Variants in AMPH observed in about 807,000 individuals in gnomAD.
AMPH encodes the protein amphiphysin.
In AMPH, 49 loss-of-function variants were observed where a neutral mutation model predicts 99.1. The ratio of observed to expected loss-of-function variants is 0.49; its 90% confidence interval spans 0.39 to 0.63. AMPH has a LOEUF of 0.63. Ranked by LOEUF, AMPH falls within the 20% of genes least tolerant of loss-of-function variation. The pLI, the probability that AMPH is intolerant of heterozygous loss-of-function variation, is 0.00. For synonymous variants in AMPH, 314 were observed against 317.3 expected, an observed-to-expected ratio of 0.99 and a Z score of 0.11; for missense variants, 759 against 863.4, an observed-to-expected ratio of 0.88 and a Z score of 1.52.
At chr7:38,602,199 T>C (rs1228266893) in intron 1 of AMPH, among the ~76,000 whole-genome samples, 1 of 152,140 alleles carries the variant, frequency 6.6e-6, no homozygotes. Context: ...TGTCCCAAGG[T>C]CCACAGAGGC....
At chr7:38,589,264 T>C (rs1365955441) in intron 1 of AMPH, among the ~76,000 whole-genome samples, 3 of 152,186 alleles carry the variant, frequency 2.0e-5, no homozygotes, top group Non-Finnish European at 1.5e-5. Context: ...ATGAATATGG[T>C]CAACACTCAA....
At chr7:38,552,370 T>A (rs1344148589) in intron 1 of AMPH, among the ~76,000 whole-genome samples, 1 of 152,216 alleles carries the variant, frequency 6.6e-6, no homozygotes, top group African/African-American at 2.4e-5. Context: ...GCACCAGAAC[T>A]GCTCTCATTT....
At chr7:38,599,532 G>A (rs1415642156) in intron 1 of AMPH, among the ~76,000 whole-genome samples, 1 of 152,072 alleles carries the variant, frequency 6.6e-6, no homozygotes, top group South Asian at 2.1e-4. Flanking sequence ...TTGTACTATC[G>A]TTAAGGTTTC....
At chr7:38,538,398 A>G (rs1790690406) in intron 1 of AMPH, among the ~76,000 whole-genome samples, 1 of 152,242 alleles carries the variant, frequency 6.6e-6, no homozygotes, top group African/African-American at 2.4e-5. Context: ...AGGGACTGTG[A>G]TCTTTCAATA....
chr7:38,472,814 C>G (rs771905072), intron 7 of AMPH, among the ~76,000 whole-genome samples: 16 of 152,100 alleles, frequency 1.1e-4, no homozygotes, highest in Non-Finnish European at 2.2e-4. Flanking sequence ...CTGCGTATGA[C>G]CAGAAAAGGG....
chr7:38,587,622 G>T lies in AMPH; in HGVS notation c.69+43661C>A, dbSNP rs577825974. The stretch of plus-strand genomic sequence containing the variant: ...AGTCCTCTGAACTTAATTCTTTGAA[G>T]AAAATATTTAATTAGCAAATGTCTT... On this transcript the variant is annotated intron_variant, in intron 1 of 20. Transcript: ENST00000356264. Among the ~76,000 whole-genome samples the T allele has an allele frequency of 5.3e-5, 8 of 152,260 alleles. No homozygotes were observed. In the South Asian group the frequency reaches 1.7e-3, roughly 32 times the overall value.
chr7:38,571,281 T>TATATATATAA (rs1562835247), intron 1 of AMPH, among the ~76,000 whole-genome samples: 2 of 44,080 alleles, frequency 4.5e-5, no homozygotes, highest in Non-Finnish European at 8.1e-5. Context: ...ATATATATTT[T>TATATATATAA]TATATATATT....
intron 1 of AMPH, among the ~76,000 whole-genome samples, chr7:38,590,533 C>T (rs919497228): frequency 2.6e-5 from 4 of 152,174 alleles, no homozygotes; most frequent in African/African-American, 4.8e-5. Flanking sequence ...TGCCCACTCC[C>T]GGCTCGAATG....
chr7:38,413,371 G>GA (rs34008192), intron 17 of AMPH, among the ~76,000 whole-genome samples: 4 of 151,174 alleles, frequency 2.6e-5, no homozygotes, highest in African/African-American at 7.3e-5. Context: ...GTATCTGAAT[G>GA]AAAAAAAAAA....
chr7:38,410,552 T>C (rs1033249506), intron 17 of AMPH, among the ~76,000 whole-genome samples: 2 of 152,204 alleles, frequency 1.3e-5, no homozygotes, highest in African/African-American at 2.4e-5. Context: ...AAAAAAGCCA[T>C]AAACACAGGG....
intron 1 of AMPH, among the ~76,000 whole-genome samples, chr7:38,625,765 G>C (rs1181007603): frequency 6.6e-6 from 1 of 151,992 alleles, no homozygotes; most frequent in Non-Finnish European, 1.5e-5. Flanking sequence ...AACATAAAAA[G>C]ACAAAGAACA....
At chr7:38,437,639 A>AAAGAAAAG (rs1554336209) in intron 11 of AMPH, among the ~76,000 whole-genome samples, 1 of 96,728 alleles carries the variant, frequency 1.0e-5, no homozygotes, top group Non-Finnish European at 1.9e-5. Flanking sequence ...AAAAAAAAAA[A>AAAGAAAAG]AAAAGAAAAG....
rs564864377 is a variant in AMPH at position 38,519,007 on chromosome 7, G to A, written c.151-15303C>T. 7.2e-5 allele frequency among the ~76,000 whole-genome samples: 11 copies of A among 152,322 alleles called. No individual in the cohort carries two copies. The South Asian group carries it at 1.9e-3, about 26-fold the overall frequency. On this transcript the variant is annotated intron_variant, in intron 2 of 20. Coordinates refer to ENST00000356264, the MANE Select transcript of AMPH (RefSeq NM_001635.4). ...TAAATGGATTAATGCCATTATCATG[G>A]CAGCGAGCTAGTTATCATGGGAGTG...
At chr7:38,448,563 T>C (rs532300467) in intron 11 of AMPH, among the ~76,000 whole-genome samples, 1 of 152,324 alleles carries the variant, frequency 6.6e-6, no homozygotes, top group East Asian at 1.9e-4. Flanking sequence ...AAGGTGAATG[T>C]AGTGTGAATG....
intron 2 of AMPH, among the ~76,000 whole-genome samples, chr7:38,505,181 A>G (rs763119235): frequency 6.6e-6 from 1 of 152,252 alleles, no homozygotes; most frequent in Non-Finnish European, 1.5e-5. Flanking sequence ...AAAGATAATG[A>G]TTAATACAAA....
At chr7:38,397,906 T>C (rs1387027279) in intron 17 of AMPH, among the ~76,000 whole-genome samples, 1 of 151,900 alleles carries the variant, frequency 6.6e-6, no homozygotes, top group African/African-American at 2.4e-5. Flanking sequence ...TGTGAAAAGG[T>C]GCTCAACCTC....
intron 1 of AMPH, among the ~76,000 whole-genome samples, chr7:38,606,479 C>T (rs1312543453): frequency 6.6e-6 from 1 of 151,674 alleles, no homozygotes; most frequent in Admixed American, 6.6e-5. Context: ...ATCTACAATA[C>T]ATTATGTGGC....
At chr7:38,508,487 C>T (rs754904366) in intron 2 of AMPH, among the ~76,000 whole-genome samples, 20 of 152,170 alleles carry the variant, frequency 1.3e-4, no homozygotes, top group Non-Finnish European at 2.1e-4. Flanking sequence ...ATATCACACA[C>T]GGTATGGAAA....
At chr7:38,528,906 C>T (rs570960193) in intron 2 of AMPH, among the ~76,000 whole-genome samples, 51 of 152,212 alleles carry the variant, frequency 3.4e-4, no homozygotes, top group African/African-American at 1.1e-3. Flanking sequence ...GGACAAGACA[C>T]TTTCATTTCC....
Sources: gnomAD v4.1 joint callset for allele counts (sites outside exome capture counted in the v4.1 genomes callset) on GRCh38, gnomAD v4.1.1 for gene constraint, MANE v1.5 for transcripts, NCBI Gene and HGNC (gene_info 2026-07-23, HGNC 2026-07-21) for gene names.